Variants in AGPS observed in about 807,000 individuals in gnomAD.
The protein encoded by AGPS is alkylglycerone phosphate synthase, also known as alkyldihydroxyacetonephosphate synthase, peroxisomal.
A neutral mutation model predicts 90.7 loss-of-function variants in AGPS; 26 were observed. That is an observed-to-expected ratio of 0.29 (90% CI 0.21 to 0.40). AGPS has a LOEUF of 0.40. Among genes scored for constraint, AGPS ranks in the 10% least tolerant of loss-of-function variants. The pLI, the probability that AGPS is intolerant of heterozygous loss-of-function variation, is 1.00. For missense variants in AGPS, 540 were observed against 816.1 expected, an observed-to-expected ratio of 0.66 and a Z score of 4.12; for synonymous variants, 294 against 285.3, an observed-to-expected ratio of 1.03 and a Z score of -0.31.
chr2:177,521,174 C>T, intron 17 of AGPS, 95 bp from the exon 18 acceptor site: 2 of 1,047,728 alleles, frequency 1.9e-6, no homozygotes, highest in Admixed American at 1.7e-5. Context: ...ATATCTTAAA[C>T]TAATCATTTG....
rs956297653 is a variant in AGPS, at chr2:177,505,446, C to T, written c.1476-60C>T. ...TTATTCTCTTGACAGCTTTTTGATA[C>T]ATTTATGATAAATGAGATTAAGATA... On this transcript the variant is annotated intron_variant, in intron 14 of 19. Transcript: ENST00000264167. 21 of 1,404,234 alleles carry T rather than the reference C, an allele frequency of 1.5e-5. No homozygotes were observed. In the African/African-American group the frequency reaches 2.3e-4, roughly 15 times the overall value. The allele number at this position is 1,404,234 out of a possible 1,614,324, so 87.0% of individuals were successfully genotyped here.
intron 8 of AGPS, among the ~76,000 whole-genome samples, chr2:177,447,675 G>A (rs1686817954): frequency 6.6e-6 from 1 of 151,234 alleles, no homozygotes. Flanking sequence ...CATTTTCCCA[G>A]ACTAGGAACT....
intron 19 of AGPS, among the ~76,000 whole-genome samples, chr2:177,524,601 A>T (rs1372012413): frequency 6.6e-6 from 1 of 152,180 alleles, no homozygotes; most frequent in African/African-American, 2.4e-5. Context: ...CACCTAATTT[A>T]AAAATTCAAC....
chr2:177,402,044 G>A (rs1474094405), intron 1 of AGPS, among the ~76,000 whole-genome samples: 2 of 152,072 alleles, frequency 1.3e-5, no homozygotes, highest in East Asian at 3.8e-4. Context: ...TATTTTCTTG[G>A]AACTTACATT....
intron 14 of AGPS, among the ~76,000 whole-genome samples, chr2:177,503,545 C>A (rs1688622516): frequency 1.3e-5 from 2 of 152,078 alleles, no homozygotes; most frequent in African/African-American, 4.8e-5. Flanking sequence ...TTTGTGGGGA[C>A]AGCAGGAAGT....
intron 7 of AGPS, among the ~76,000 whole-genome samples, chr2:177,444,280 G>T (rs796741052): frequency 1.3e-5 from 2 of 151,934 alleles, no homozygotes; most frequent in African/African-American, 4.8e-5. Flanking sequence ...AATTAGCCAT[G>T]TGTGGTGGCG....
rs768626906 is a variant in AGPS, at chr2:177,420,366, T to A, written c.350+8T>A. ...TGAATTGACTGGGAAAAGGTAACCC[T>A]GGTTTATTTCTTCTTTTGTTCCTCC... On this transcript the variant is annotated splice_region_variant and intron_variant, in intron 2 of 19. Coordinates refer to ENST00000264167, the MANE Select transcript of AGPS (RefSeq NM_003659.4). 2 of 1,586,664 alleles carry A rather than the reference T, an allele frequency of 1.3e-6. No homozygotes were observed. The highest frequency in any genetic ancestry group is 3.3e-5 in the Admixed American group (2 of 59,898).
In AGPS at chr2:177,517,368, GCTTA is replaced by G. The variant is rs544650031; in HGVS notation, c.1697+3463_1697+3466del. Among the ~76,000 whole-genome samples, 380 of 152,070 alleles carry G rather than the reference GCTTA, an allele frequency of 2.5e-3. 4 individuals are homozygous for G. The highest frequency in any genetic ancestry group is 8.7e-3 in the African/African-American group (362 of 41,506). On this transcript the variant is annotated intron_variant, in intron 17 of 19. Transcript: ENST00000264167. The stretch of plus-strand genomic sequence containing the variant: ...CAATCATCCTATTTGTTTTCCAAAG[GCTTA>G]CTAATTATTAATGTAAACTTAGTGA...
At chr2:177,516,728 A>G (rs1037453312) in intron 17 of AGPS, among the ~76,000 whole-genome samples, 3 of 152,142 alleles carry the variant, frequency 2.0e-5, no homozygotes, top group Non-Finnish European at 4.4e-5. Context: ...AGTTACATCT[A>G]TTTATGAATG....
intron 8 of AGPS, among the ~76,000 whole-genome samples, chr2:177,447,723 C>T (rs1406291742): frequency 2.0e-5 from 3 of 151,800 alleles, no homozygotes; most frequent in African/African-American, 7.3e-5. Context: ...CCCTAAATGC[C>T]GATATAGAAC....
chr2:177,470,439 C>T (rs1687580314), intron 10 of AGPS, among the ~76,000 whole-genome samples: 2 of 152,064 alleles, frequency 1.3e-5, no homozygotes, highest in South Asian at 2.1e-4. Context: ...CGTGGTGGCT[C>T]ACACCTGTAA....
chr2:177,430,145 G>C (rs372828577), intron 2 of AGPS, among the ~76,000 whole-genome samples: 1 of 152,212 alleles, frequency 6.6e-6, no homozygotes, highest in South Asian at 2.1e-4. Flanking sequence ...GCCTGGAGCT[G>C]GCAGGCTAGA....
intron 10 of AGPS, among the ~76,000 whole-genome samples, chr2:177,470,447 TA>T (rs1687580908): frequency 6.6e-6 from 1 of 152,146 alleles, no homozygotes; most frequent in Admixed American, 6.5e-5. Context: ...CTCACACCTG[TA>T]ATCCCAGCAC....
chr2:177,422,002 ATG>A (rs554938040), intron 2 of AGPS, among the ~76,000 whole-genome samples: 2 of 151,500 alleles, frequency 1.3e-5, no homozygotes, highest in Non-Finnish European at 3.0e-5. Flanking sequence ...GTGTGTGTGT[ATG>A]TGTGTGTGTG....
Position 177,461,997 on chromosome 2 carries a change from C to A in AGPS, c.975C>A (p.Ile325=), listed in dbSNP as rs758101960. Residue 325 remains isoleucine, a synonymous_variant, in exon 9 of 20, where the codon ATC becomes ATA. Transcript: ENST00000264167. ...GCGCATCAGGCATGAAGAAGAATAT[C>A]TATGGCAATATCGAGGACCTGGTAA... ...STRASGMKKN[I]YGNIEDLVVH... is the part of the protein sequence containing the mutation. 9 of 1,611,074 alleles carry A rather than the reference C, an allele frequency of 5.6e-6. No homozygotes were observed. The East Asian group carries it at 1.3e-4, about 24-fold the overall frequency.
intron 1 of AGPS, among the ~76,000 whole-genome samples, chr2:177,409,037 G>A (rs1254494305): frequency 6.6e-6 from 1 of 152,082 alleles, no homozygotes; most frequent in Non-Finnish European, 1.5e-5. Flanking sequence ...TGTTGTGATT[G>A]GGTCCTGCTT....
At chr2:177,495,135 A>C (rs1688376439) in intron 12 of AGPS, among the ~76,000 whole-genome samples, 1 of 152,232 alleles carries the variant, frequency 6.6e-6, no homozygotes, top group Non-Finnish European at 1.5e-5. Context: ...ATATTGAAAT[A>C]ATCCAAAGAT....
At chr2:177,494,426 T>C (rs989153662) in intron 12 of AGPS, among the ~76,000 whole-genome samples, 10 of 152,228 alleles carry the variant, frequency 6.6e-5, no homozygotes, top group African/African-American at 1.2e-4. Context: ...AAAAACCACT[T>C]GTGTGTTTTG....
At chr2:177,442,019 G>A (rs1019372980) in intron 6 of AGPS, among the ~76,000 whole-genome samples, 7 of 152,196 alleles carry the variant, frequency 4.6e-5, no homozygotes, top group Non-Finnish European at 7.4e-5. Context: ...TAAAAAGGAA[G>A]TAATGATGTC....
Sources: gnomAD v4.1 joint callset for allele counts (sites outside exome capture counted in the v4.1 genomes callset) on GRCh38, gnomAD v4.1.1 for gene constraint, MANE v1.5 for transcripts, NCBI Gene and HGNC (gene_info 2026-07-23, HGNC 2026-07-21) for gene names.